The following SLC8A1 variants were observed in gnomAD, a reference collection of about 807,000 sequenced individuals.
SLC8A1 encodes sodium/calcium exchanger 1.
Under a neutral mutation model 68.3 loss-of-function variants are expected in SLC8A1, and 18 were observed. The observed-to-expected ratio is 0.26, with a 90% confidence interval of 0.18 to 0.39. The LOEUF is 0.39. Among genes scored for constraint, SLC8A1 ranks in the 10% least tolerant of loss-of-function variants. SLC8A1 has a pLI of 1.00. For missense variants in SLC8A1, 985 were observed against 1,156.7 expected, an observed-to-expected ratio of 0.85 and a Z score of 2.15; for synonymous variants, 475 against 415.5, an observed-to-expected ratio of 1.14 and a Z score of -1.74.
chr2:40,506,980 A>G (rs956505236), intron 1 of SLC8A1, among the ~76,000 whole-genome samples: 1 of 151,996 alleles, frequency 6.6e-6, no homozygotes, highest in African/African-American at 2.4e-5. Context: ...ATGTAAAATT[A>G]TTGCTTTATA....
At chr2:40,218,947 TA>T (rs1274408712) in intron 2 of SLC8A1, among the ~76,000 whole-genome samples, 5 of 152,206 alleles carry the variant, frequency 3.3e-5, no homozygotes, top group African/African-American at 1.2e-4. Context: ...TAACTTACAC[TA>T]AAGTTTTGAC....
chr2:40,434,911 G>A (rs1328683287), intron 1 of SLC8A1, among the ~76,000 whole-genome samples: 1 of 152,146 alleles, frequency 6.6e-6, no homozygotes, highest in Non-Finnish European at 1.5e-5. Flanking sequence ...ATCTACAAGA[G>A]ATAGATCCAA....
In SLC8A1 at chr2:40,349,518, G is replaced by C. The variant is rs536918295; in HGVS notation, c.1808+78955C>G. Among the ~76,000 whole-genome samples, 22 of 152,300 alleles carry C rather than the reference G, an allele frequency of 1.4e-4. No individual in the cohort carries two copies. The South Asian group carries it at 4.6e-3, about 32-fold the overall frequency. On this transcript the variant is annotated intron_variant, in intron 2 of 7. Coordinates refer to ENST00000406785, the Ensembl canonical transcript of SLC8A1. ...TTCCTCATAGCAGCTAAATGACCTT[G>C]GGTAAGTTCCTCTCTGCACCTCAGC...
intron 2 of SLC8A1, among the ~76,000 whole-genome samples, chr2:40,253,118 C>T (rs1295212758): frequency 1.9e-5 from 2 of 107,604 alleles, no homozygotes; most frequent in African/African-American, 8.2e-5. Flanking sequence ...TACGTGTATA[C>T]ATATATACAC....
At chr2:40,331,097 A>C (rs1361752084) in intron 2 of SLC8A1, among the ~76,000 whole-genome samples, 1 of 152,216 alleles carries the variant, frequency 6.6e-6, no homozygotes, top group Non-Finnish European at 1.5e-5. Context: ...CTTGGCTCTA[A>C]GCCTCTGATT....
At chr2:40,299,766 A>G (rs1308280580) in intron 2 of SLC8A1, among the ~76,000 whole-genome samples, 1 of 152,206 alleles carries the variant, frequency 6.6e-6, no homozygotes, top group Non-Finnish European at 1.5e-5. Flanking sequence ...AGAGAGTTTC[A>G]GCATAATAAT....
chr2:40,182,250 C>G (rs1403061014), intron 2 of SLC8A1, among the ~76,000 whole-genome samples: 2 of 152,170 alleles, frequency 1.3e-5, no homozygotes, highest in East Asian at 3.8e-4. Context: ...TGCATTTTTA[C>G]TGCACTGATA....
intron 1 of SLC8A1, among the ~76,000 whole-genome samples, chr2:40,511,132 A>C (rs142933138): frequency 0.01 from 1,583 of 152,282 alleles, 31 homozygotes; most frequent in South Asian, 0.086. Flanking sequence ...GTCACATTCA[A>C]TATTTCTCCA....
At chr2:40,278,169 C>G (rs957147223) in intron 2 of SLC8A1, among the ~76,000 whole-genome samples, 6 of 151,894 alleles carry the variant, frequency 4.0e-5, no homozygotes, top group Non-Finnish European at 8.8e-5. Flanking sequence ...TTACCTGTAT[C>G]TCTAAAAAAG....
In SLC8A1 at chr2:40,187,485, C is replaced by T. The variant is rs78843892; in HGVS notation, c.1809-9630G>A. On this transcript the variant is annotated intron_variant, in intron 2 of 7. Transcript: ENST00000406785. Reference sequence around the variant, plus strand: ...AGCGACAGCTAAAATCCTGCTGTTCCCAGGGAGACCAAGGGAGCTTTAGAG... The same window carrying T: ...AGCGACAGCTAAAATCCTGCTGTTCTCAGGGAGACCAAGGGAGCTTTAGAG... 3.5e-3 allele frequency among the ~76,000 whole-genome samples: 534 copies of T among 152,242 alleles called. 1 individual carries two copies. Among genetic ancestry groups the T allele is most frequent in the Non-Finnish European group, 6.2e-3 (420 of 68,012 alleles).
At chr2:40,156,208 G>A (rs189715050) in intron 6 of SLC8A1, among the ~76,000 whole-genome samples, 1 of 152,152 alleles carries the variant, frequency 6.6e-6, no homozygotes, top group Non-Finnish European at 1.5e-5. Flanking sequence ...AATGGCCATC[G>A]ACAGAGCTCC....
At chr2:40,360,210 CCAGCA>C (rs1395185305) in intron 2 of SLC8A1, among the ~76,000 whole-genome samples, 4 of 152,066 alleles carry the variant, frequency 2.6e-5, no homozygotes, top group Admixed American at 6.6e-5. Flanking sequence ...TTCCTAATGC[CCAGCA>C]CACTGTCCAG....
At chr2:40,132,030 T>C (rs1252089763) in intron 7 of SLC8A1, among the ~76,000 whole-genome samples, 3 of 152,092 alleles carry the variant, frequency 2.0e-5, no homozygotes, top group Non-Finnish European at 4.4e-5. Context: ...TTAGGTGTTT[T>C]TCATGCCAAA....
chr2:40,183,136 G>A (rs1222064112), intron 2 of SLC8A1, among the ~76,000 whole-genome samples: 1 of 152,132 alleles, frequency 6.6e-6, no homozygotes, highest in Non-Finnish European at 1.5e-5. Context: ...CGATTGACAG[G>A]GAAAACAATG....
At chr2:40,194,064 T>G (rs542240197) in intron 2 of SLC8A1, among the ~76,000 whole-genome samples, 2 of 152,260 alleles carry the variant, frequency 1.3e-5, no homozygotes, top group East Asian at 3.9e-4. Context: ...ATGGAGGTAG[T>G]AAAATACGAA....
At chr2:40,417,073 T>C (rs1445558716) in intron 2 of SLC8A1, among the ~76,000 whole-genome samples, 1 of 152,148 alleles carries the variant, frequency 6.6e-6, no homozygotes, top group Non-Finnish European at 1.5e-5. Context: ...GTTATTGATA[T>C]TTGATTGCTT....
chr2:40,180,773 TA>T (rs377157838), intron 2 of SLC8A1, among the ~76,000 whole-genome samples: 9 of 152,328 alleles, frequency 5.9e-5, no homozygotes, highest in African/African-American at 2.2e-4. Flanking sequence ...TATTGGATTA[TA>T]GAAGTAAAGC....
intron 2 of SLC8A1, among the ~76,000 whole-genome samples, chr2:40,284,437 C>A (rs1041579875): frequency 2.1e-5 from 3 of 141,326 alleles, no homozygotes; most frequent in Admixed American, 2.1e-4. Context: ...ATCTATATAT[C>A]TATATATAAA....
chr2:40,388,930 T>C (rs1684436778), intron 2 of SLC8A1, among the ~76,000 whole-genome samples: 1 of 152,104 alleles, frequency 6.6e-6, no homozygotes, highest in Non-Finnish European at 1.5e-5. Flanking sequence ...ATTTAGTGAA[T>C]CTAGGGAACA....
Sources: allele counts gnomAD v4.1 joint callset (sites outside exome capture counted in the v4.1 genomes callset), GRCh38; gene constraint gnomAD v4.1.1; transcripts MANE v1.5; gene names NCBI Gene and HGNC (gene_info 2026-07-23, HGNC 2026-07-21).